Variants in ERC2 observed in about 807,000 individuals in gnomAD.
ERC2 encodes ERC protein 2.
A neutral mutation model predicts 114.8 loss-of-function variants in ERC2; 42 were observed. The ratio of observed to expected loss-of-function variants is 0.37; its 90% CI spans 0.29 to 0.47. The LOEUF is 0.47. Ranked by LOEUF, ERC2 falls within the 20% of genes least tolerant of loss-of-function variation. The pLI, the probability that ERC2 is intolerant of heterozygous loss-of-function variation, is 0.99. For synonymous variants in ERC2, 454 were observed against 425.5 expected (o/e 1.07, Z -0.82); for missense variants, 939 against 1,150.7 (o/e 0.82, Z 2.66).
intron 17 of ERC2, among the ~76,000 whole-genome samples, chr3:55,513,344 ATGT>A (rs999620573): frequency 6.6e-6 from 1 of 152,120 alleles, no homozygotes; most frequent in Non-Finnish European, 1.5e-5. Context: ...TCCACTCTTT[ATGT>A]TCCACCAAAG....
intron 17 of ERC2, among the ~76,000 whole-genome samples, chr3:55,539,621 G>A (rs370009017): frequency 7.3e-5 from 11 of 151,024 alleles, no homozygotes; most frequent in East Asian, 3.9e-4. Context: ...TAGAGACAGG[G>A]TTTCACCATG....
At chr3:56,080,183 T>C (rs2077166507) in intron 7 of ERC2, among the ~76,000 whole-genome samples, 1 of 152,092 alleles carries the variant, frequency 6.6e-6, no homozygotes, top group Non-Finnish European at 1.5e-5. Flanking sequence ...CTATATACAG[T>C]AGCAAACAGA....
intron 2 of ERC2, among the ~76,000 whole-genome samples, chr3:56,321,821 C>T: frequency 6.6e-6 from 1 of 152,168 alleles, no homozygotes; most frequent in East Asian, 1.9e-4. Context: ...GCCTGGTCCC[C>T]ATTTTAATTT....
Position 56,172,703 on chromosome 3 carries a change from C to T in ERC2, c.1149+743G>A, listed in dbSNP as rs182089438. ...ATTGAGATAAATACTTTACTATTTGCATCCTTCTGGCAAAAACTGTAAATA... is the reference window on the plus strand; with the variant it reads ...ATTGAGATAAATACTTTACTATTTGTATCCTTCTGGCAAAAACTGTAAATA... On this transcript the variant is annotated intron_variant, in intron 4 of 17. Transcript: ENST00000288221. 5.3e-5 allele frequency among the ~76,000 whole-genome samples: 8 copies of T among 152,266 alleles called. No homozygotes were observed. The East Asian group carries it at 1.5e-3, about 29-fold the overall frequency.
chr3:56,222,628 T>G (rs1171634537), intron 3 of ERC2, among the ~76,000 whole-genome samples: 1 of 152,156 alleles, frequency 6.6e-6, no homozygotes, highest in Non-Finnish European at 1.5e-5. Flanking sequence ...TTGGCTCCCC[T>G]AGAATGGAAG....
chr3:56,007,488 G>A (rs2072586800), intron 9 of ERC2, among the ~76,000 whole-genome samples, 167 bp from the exon 10 acceptor site: 1 of 152,090 alleles, frequency 6.6e-6, no homozygotes, highest in African/African-American at 2.4e-5. Flanking sequence ...GGAAATTAAA[G>A]TTGGCCAGCT....
intron 4 of ERC2, among the ~76,000 whole-genome samples, chr3:56,173,152 C>G (rs2082772009): frequency 6.6e-6 from 1 of 152,106 alleles, no homozygotes; most frequent in Admixed American, 6.5e-5. Context: ...AAAAATTTTA[C>G]TTTTAAAACA....
At position 55,800,388 on chromosome 3, in the gene ERC2, T is replaced by A. The variant is rs575433674; in HGVS notation, c.2565-65470A>T. Among the ~76,000 whole-genome samples the A allele has an allele frequency of 3.0e-3, 455 of 152,176 alleles. 3 individuals are homozygous for A. The highest frequency in any genetic ancestry group is 0.01 in the African/African-American group (433 of 41,532). ...CGAACTCCTGACCTCATGATCCACC[T>A]GCCTCGGCCTACCAAAGTGCTGGGA... is the stretch of plus-strand genomic sequence containing the variant. On this transcript the variant is annotated intron_variant, in intron 14 of 17. Coordinates refer to ENST00000288221, the MANE Select transcript of ERC2 (RefSeq NM_015576.3).
chr3:56,077,933 T>G (rs902541131), intron 7 of ERC2, among the ~76,000 whole-genome samples: 2 of 152,284 alleles, frequency 1.3e-5, no homozygotes, highest in African/African-American at 4.8e-5. Flanking sequence ...ACTATTTACA[T>G]GAGTAAACAG....
chr3:56,181,551 C>T (rs1301425690), intron 3 of ERC2, among the ~76,000 whole-genome samples: 3 of 152,166 alleles, frequency 2.0e-5, no homozygotes, highest in African/African-American at 4.8e-5. Flanking sequence ...AAAACTCATA[C>T]TAGCCAATCT....
intron 14 of ERC2, among the ~76,000 whole-genome samples, chr3:55,879,888 C>A (rs753687335): frequency 6.6e-6 from 1 of 152,182 alleles, no homozygotes; most frequent in Non-Finnish European, 1.5e-5. Context: ...CCCCTTCCCC[C>A]ACACTTGTTC....
At chr3:56,458,716 C>T (rs555645685) in intron 1 of ERC2, among the ~76,000 whole-genome samples, 4 of 151,742 alleles carry the variant, frequency 2.6e-5, no homozygotes, top group African/African-American at 7.3e-5. Context: ...ATGAACAATA[C>T]GAATAAAGGG....
chr3:55,975,687 C>T (rs1374297579), intron 12 of ERC2, among the ~76,000 whole-genome samples: 2 of 152,200 alleles, frequency 1.3e-5, no homozygotes, highest in Admixed American at 1.3e-4. Context: ...TTATGTTCAT[C>T]CCAGGCTCAA....
intron 6 of ERC2, among the ~76,000 whole-genome samples, chr3:56,134,917 TTTG>T (rs1347299736): frequency 9.3e-6 from 1 of 107,006 alleles, no homozygotes; most frequent in Non-Finnish European, 2.1e-5. Flanking sequence ...TCTCTTTTTT[TTTG>T]TTTTTTTTTG....
At chr3:56,326,483 G>T (rs1370892262) in intron 2 of ERC2, among the ~76,000 whole-genome samples, 2 of 152,172 alleles carry the variant, frequency 1.3e-5, no homozygotes, top group Non-Finnish European at 2.9e-5. Flanking sequence ...AAAAATAAGA[G>T]AAATGGTGTT....
intron 4 of ERC2, among the ~76,000 whole-genome samples, chr3:56,162,702 A>T (rs9877547): frequency 0.82 from 124,641 of 152,096 alleles, 52,224 homozygotes; most frequent in South Asian, 0.93. Flanking sequence ...ATCTTCTGTA[A>T]TTCTGTGGGA....
In ERC2 at chr3:56,306,589, G is replaced by A. The variant is rs115329411; in HGVS notation, c.658-10154C>T. Among the ~76,000 whole-genome samples the A allele has an allele frequency of 2.4e-3, 373 of 152,332 alleles. 3 individuals carry two copies. Among genetic ancestry groups the A allele is most frequent in the African/African-American group, 8.7e-3 (362 of 41,578 alleles). ...GAAATAGAAACTGAGAAGCACTCAT[G>A]TGTAACATCAACAGGATGGGTAATT... On this transcript the variant is annotated intron_variant, in intron 2 of 17. Coordinates refer to ENST00000288221, the MANE Select transcript of ERC2 (RefSeq NM_015576.3).
At chr3:55,594,665 G>A (rs2058051039) in intron 17 of ERC2, among the ~76,000 whole-genome samples, 1 of 151,986 alleles carries the variant, frequency 6.6e-6, no homozygotes, top group Non-Finnish European at 1.5e-5. Flanking sequence ...TGCATTTTTA[G>A]TAGAGATGGG....
intron 14 of ERC2, among the ~76,000 whole-genome samples, chr3:55,744,949 T>G (rs1169304988): frequency 6.6e-6 from 1 of 152,206 alleles, no homozygotes; most frequent in Admixed American, 6.5e-5. Context: ...CATTTGCTTA[T>G]TAAATGACAC....
Sources: allele counts gnomAD v4.1 joint callset (sites outside exome capture counted in the v4.1 genomes callset), GRCh38; gene constraint gnomAD v4.1.1; transcripts MANE v1.5; gene names NCBI Gene and HGNC (gene_info 2026-07-23, HGNC 2026-07-21).